The following ABLIM1 variants were observed in gnomAD, a reference collection of about 807,000 sequenced individuals.
The protein encoded by ABLIM1 is actin binding LIM protein 1, also known as actin-binding LIM protein 1.
Under a neutral mutation model 107.0 loss-of-function variants are expected in ABLIM1, and 40 were observed. That is an observed-to-expected ratio of 0.37 (90% CI 0.29 to 0.49). ABLIM1 has a LOEUF of 0.49. Among genes scored for constraint, ABLIM1 ranks in the 20% least tolerant of loss-of-function variants. The pLI, the probability that ABLIM1 is intolerant of heterozygous loss-of-function variation, is 0.97. For missense variants in ABLIM1, 857 were observed against 1,008.5 expected, an observed-to-expected ratio of 0.85 and a Z score of 2.04; for synonymous variants, 357 against 357.3, an observed-to-expected ratio of 1.00 and a Z score of 0.01.
intron 1 of ABLIM1, among the ~76,000 whole-genome samples, chr10:114,713,155 A>G (rs2081588526): frequency 6.6e-6 from 1 of 152,246 alleles, no homozygotes; most frequent in Non-Finnish European, 1.5e-5. Context: ...AGAGAGGAGC[A>G]GCTAAAGAGA....
At chr10:114,544,163 CA>C (rs1373349916) in intron 6 of ABLIM1, among the ~76,000 whole-genome samples, 1 of 152,194 alleles carries the variant, frequency 6.6e-6, no homozygotes, top group African/African-American at 2.4e-5. Flanking sequence ...TGGTCCTTGA[CA>C]AAGCAAGATG....
At chr10:114,756,752 C>T (rs1013992310) in intron 1 of ABLIM1, among the ~76,000 whole-genome samples, 1 of 152,156 alleles carries the variant, frequency 6.6e-6, no homozygotes, top group African/African-American at 2.4e-5. Flanking sequence ...TGGCAAATTC[C>T]ACTTGTTCTT....
intron 1 of ABLIM1, among the ~76,000 whole-genome samples, chr10:114,709,490 C>T (rs2141933177): frequency 6.6e-6 from 1 of 152,148 alleles, no homozygotes; most frequent in Admixed American, 6.5e-5. Flanking sequence ...TTTTAATGGC[C>T]ACTATGTGAA....
chr10:114,580,284 G>A (rs2073204019), intron 2 of ABLIM1, among the ~76,000 whole-genome samples: 2 of 151,612 alleles, frequency 1.3e-5, no homozygotes, highest in African/African-American at 4.8e-5. Context: ...ATAACTCACT[G>A]CAGCCTTCAA....
chr10:114,602,362 G>A (rs1045795766), intron 1 of ABLIM1, among the ~76,000 whole-genome samples: 13 of 152,308 alleles, frequency 8.5e-5, no homozygotes, highest in East Asian at 3.9e-4. Flanking sequence ...CTTGAAGATG[G>A]GGACCATTTC....
At chr10:114,445,057 C>T (rs2060808647) in intron 16 of ABLIM1, among the ~76,000 whole-genome samples, 1 of 152,190 alleles carries the variant, frequency 6.6e-6, no homozygotes, top group African/African-American at 2.4e-5. Flanking sequence ...TTCCTTCCCA[C>T]AACAACCCAA....
At chr10:114,696,946 A>G (rs2081206976) in intron 1 of ABLIM1, among the ~76,000 whole-genome samples, 1 of 152,172 alleles carries the variant, frequency 6.6e-6, no homozygotes, top group South Asian at 2.1e-4. Flanking sequence ...GAGGAGACAT[A>G]ATTCAACTCA....
rs1317613802 is a variant in ABLIM1, at chr10:114,453,387, T to C, written c.1538A>G (p.His513Arg). The C allele has an allele frequency of 6.2e-7, 1 of 1,612,876 alleles. No individual in the cohort carries two copies. The highest frequency in any genetic ancestry group is 1.1e-5 in the South Asian group (1 of 90,944). ...PTYAQAPKHFHVPDQGINIYR... is the reference protein window; with the variant it reads ...PTYAQAPKHFRVPDQGINIYR... ...ACTGTGTCAGCTCCTACCTGGAACA[T>C]GGAAATGTTTAGGGGCCTGAGCGTA... The change falls in exon 13 of 23, where the codon CAT (histidine) becomes CGT (arginine). Residue 513 changes from histidine to arginine, a missense_variant. His to Arg is a conservative substitution (Grantham distance 29, BLOSUM62 0). This residue lies in a region of ABLIM1 where 381 missense variants were observed against 506.9 expected (regional missense o/e 0.75). Coordinates refer to ENST00000533213, the MANE Select transcript of ABLIM1 (RefSeq NM_002313.7).
chr10:114,438,148 C>T (rs113945454), intron 21 of ABLIM1, among the ~76,000 whole-genome samples: 1 of 152,196 alleles, frequency 6.6e-6, no homozygotes, highest in Non-Finnish European at 1.5e-5. Context: ...TCTCAGGTAG[C>T]ACTGAGCCTT....
chr10:114,636,052 A>G (rs2078463426), intron 1 of ABLIM1, among the ~76,000 whole-genome samples: 1 of 152,186 alleles, frequency 6.6e-6, no homozygotes, highest in Admixed American at 6.5e-5. Context: ...AGCGGAGGAG[A>G]TATATGCACA....
chr10:114,602,071 G>T, intron 1 of ABLIM1, 110 bp from the exon 2 acceptor site: 1 of 1,407,708 alleles, frequency 7.1e-7, no homozygotes, highest in Non-Finnish European at 9.8e-7. Context: ...AGATTGATTC[G>T]ACAGTGTGAA....
intron 1 of ABLIM1, among the ~76,000 whole-genome samples, chr10:114,618,034 C>T (rs1408780623): frequency 6.6e-6 from 1 of 152,140 alleles, no homozygotes; most frequent in Non-Finnish European, 1.5e-5. Context: ...TCCTCCCAAC[C>T]CCTATAGGCA....
At position 114,605,504 on chromosome 10, in the gene ABLIM1, T is replaced by C. The variant is rs115913251; in HGVS notation, c.245-3543A>G. ...AGTTTACATTCCTTGCCCAAAGTCA[T>C]CAGGAGTTACTGGCAGAGGCATACT... On this transcript the variant is annotated intron_variant, in intron 1 of 22. Transcript: ENST00000533213. Among the ~76,000 whole-genome samples, 1,482 of 152,302 alleles carry C rather than the reference T, an allele frequency of 9.7e-3. 32 individuals carry two copies. Among genetic ancestry groups the C allele is most frequent in the African/African-American group, 0.034 (1,409 of 41,568 alleles).
intron 6 of ABLIM1, among the ~76,000 whole-genome samples, chr10:114,536,853 C>T (rs2066096734): frequency 6.6e-6 from 1 of 152,140 alleles, no homozygotes; most frequent in African/African-American, 2.4e-5. Context: ...ACAGCATCAT[C>T]CATCTACAAC....
At chr10:114,684,322 G>A (rs41284356) in exon 1 of ABLIM1, 475 of 1,614,068 alleles carry the variant, frequency 2.9e-4, no homozygotes, top group Non-Finnish European at 3.5e-4. Flanking sequence ...ATGAGGGTCC[G>A]TGAGCTCAGT....
At chr10:114,590,684 G>T (rs1374776315) in intron 2 of ABLIM1, among the ~76,000 whole-genome samples, 1 of 152,100 alleles carries the variant, frequency 6.6e-6, no homozygotes, top group Non-Finnish European at 1.5e-5. Flanking sequence ...TGGAAGGAAA[G>T]TGAGATCCAC....
chr10:114,524,539 A>G (rs1447858504), intron 6 of ABLIM1, among the ~76,000 whole-genome samples: 1 of 152,214 alleles, frequency 6.6e-6, no homozygotes, highest in Non-Finnish European at 1.5e-5. Context: ...AAAAACTAAC[A>G]GGCATGGCCA....
the ABLIM1 span, among the ~76,000 whole-genome samples, chr10:114,786,913 C>T: frequency 6.6e-6 from 1 of 152,030 alleles, no homozygotes; most frequent in East Asian, 1.9e-4. Flanking sequence ...TGCCCGGCGG[C>T]CACCCCGTCT....
chr10:114,752,197 G>A (rs923411007), intron 1 of ABLIM1, among the ~76,000 whole-genome samples: 2 of 152,170 alleles, frequency 1.3e-5, no homozygotes, highest in Non-Finnish European at 2.9e-5. Context: ...CTAAGGAATA[G>A]AGGGGACTAG....
Sources: gnomAD v4.1 joint callset for allele counts (sites outside exome capture counted in the v4.1 genomes callset) on GRCh38, gnomAD v4.1.1 for gene constraint, gnomAD v4.1.1 regional missense constraint, MANE v1.5 for transcripts, NCBI Gene and HGNC (gene_info 2026-07-23, HGNC 2026-07-21) for gene names.